Variants in WDR17 observed in about 807,000 individuals in gnomAD.
The protein encoded by WDR17 is WD repeat-containing protein 17.
Under a neutral mutation model 161.7 loss-of-function variants are expected in WDR17, and 143 were observed. The ratio of observed to expected loss-of-function variants is 0.88; its 90% CI spans 0.77 to 1.02. WDR17 has a LOEUF of 1.02. Among genes scored for constraint, WDR17 ranks in the 50% least tolerant of loss-of-function variants. The pLI is 0.00. For synonymous variants in WDR17, 517 were observed against 515.6 expected (o/e 1.00, Z -0.04); for missense variants, 1,469 against 1,520.9 (o/e 0.97, Z 0.57).
Position 176,151,983 on chromosome 4 carries a change from A to C in WDR17, c.2460+16A>C. The C allele has an allele frequency of 6.2e-7, 1 of 1,606,536 alleles. No individual in the cohort carries two copies. The highest frequency in any genetic ancestry group is 8.5e-7 in the Non-Finnish European group (1 of 1,177,516). On this transcript the variant is annotated intron_variant, in intron 17 of 28. Transcript: ENST00000508596. ...ACTTGGAGAGGTAATGTGCTATGAA[A>C]GTAAAACTAATGAGTTTAACATAGT... is the stretch of plus-strand genomic sequence containing the variant.
Position 176,128,733 on chromosome 4 carries a change from A to G in WDR17, c.791-5A>G, listed in dbSNP as rs1742857463. 6.2e-7 allele frequency: 1 copy of G among 1,601,788 alleles called. No individual in the cohort carries two copies. The highest frequency in any genetic ancestry group is 8.5e-7 in the Non-Finnish European group (1 of 1,176,522). Reference sequence around the variant, plus strand: ...TAAAATGTGCTTTTTCCCTGATCTGACTAGATTCTCAAGTGGGTGTTTTAC... The same window carrying G: ...TAAAATGTGCTTTTTCCCTGATCTGGCTAGATTCTCAAGTGGGTGTTTTAC... On this transcript the variant is annotated splice_region_variant and splice_polypyrimidine_tract_variant and intron_variant, in intron 5 of 28. Transcript: ENST00000508596.
intron 1 of WDR17, among the ~76,000 whole-genome samples, chr4:176,077,557 T>C (rs970541116): frequency 2.6e-5 from 4 of 152,102 alleles, no homozygotes; most frequent in Non-Finnish European, 4.4e-5. Context: ...TGCTGAAACC[T>C]TATTTTATAT....
intron 1 of WDR17, among the ~76,000 whole-genome samples, chr4:176,097,253 A>G (rs1737029459): frequency 6.6e-6 from 1 of 151,992 alleles, no homozygotes; most frequent in Admixed American, 6.6e-5. Flanking sequence ...TATTTAAATG[A>G]AGACAATTTG....
chr4:176,128,681 G>A, intron 5 of WDR17, 57 bp from the exon 6 acceptor site: 1 of 1,537,120 alleles, frequency 6.5e-7, no homozygotes, highest in Non-Finnish European at 8.8e-7. Flanking sequence ...TTTATGTCTA[G>A]GCATTTTAGT....
At chr4:176,137,694 A>G (rs1177620195) in intron 9 of WDR17, 83 bp downstream of exon 9, 5 of 806,788 alleles carry the variant, frequency 6.2e-6, no homozygotes, top group Non-Finnish European at 8.8e-6. Flanking sequence ...ATTTCTTAAT[A>G]TAATATCACT....
chr4:176,097,049 T>C (rs1242120095), intron 1 of WDR17, among the ~76,000 whole-genome samples: 1 of 151,916 alleles, frequency 6.6e-6, no homozygotes, highest in African/African-American at 2.4e-5. Context: ...TTTTAGGCGG[T>C]TAATTAATTA....
rs762451152 is a variant in WDR17, at chr4:176,115,818, T to C, written c.146T>C (p.Phe49Ser). ...TAGTTGGATCACCGTTATAATGAAT[T>C]CAAACTTCACGCAATTATGTCTGAA... is the stretch of plus-strand genomic sequence containing the variant. Reference protein sequence around the residue: ...IYQLDHRYNEFKLHAIMSEHK... With the variant: ...IYQLDHRYNESKLHAIMSEHK... The change falls in exon 3 of 29, where the codon TTC (phenylalanine) becomes TCC (serine). Residue 49 changes from phenylalanine (F) to serine (S), a missense_variant. By Grantham distance (155) the Phe-to-Ser change is radical. Coordinates refer to ENST00000508596, the MANE Select transcript of WDR17 (RefSeq NM_181265.4). 9.3e-6 allele frequency: 15 copies of C among 1,606,604 alleles called. No individual in the cohort carries two copies. Among genetic ancestry groups the C allele is most frequent in the Non-Finnish European group, 1.3e-5 (15 of 1,176,278 alleles).
At chr4:176,172,156 C>T (rs1750825147) in intron 23 of WDR17, among the ~76,000 whole-genome samples, 1 of 152,128 alleles carries the variant, frequency 6.6e-6, no homozygotes, top group Non-Finnish European at 1.5e-5. Context: ...TGATGGAAAA[C>T]TACTAACTCA....
chr4:176,111,515 C>T, intron 1 of WDR17, 60 bp from the exon 2 acceptor site: 1 of 1,549,680 alleles, frequency 6.5e-7, no homozygotes, highest in Non-Finnish European at 8.8e-7. Flanking sequence ...AGATGTAAAA[C>T]AATGAGGAAG....
intron 17 of WDR17, among the ~76,000 whole-genome samples, chr4:176,154,627 A>C (rs1747775173): frequency 6.6e-6 from 1 of 152,202 alleles, no homozygotes; most frequent in African/African-American, 2.4e-5. Context: ...TTTAATCTAC[A>C]TTGCAACTTC....
At chr4:176,147,569 T>C (rs1487169157) in intron 12 of WDR17, among the ~76,000 whole-genome samples, 1 of 152,190 alleles carries the variant, frequency 6.6e-6, no homozygotes, top group Non-Finnish European at 1.5e-5. Flanking sequence ...ATACCCATCA[T>C]CATACATGTT....
At chr4:176,153,106 G>A (rs1747493624) in intron 17 of WDR17, among the ~76,000 whole-genome samples, 1 of 152,120 alleles carries the variant, frequency 6.6e-6, no homozygotes, top group Non-Finnish European at 1.5e-5. Context: ...CAGAAACTGC[G>A]GGGTTGGAGC....
chr4:176,146,234 A>G, intron 12 of WDR17, 75 bp downstream of exon 12: 5 of 1,451,778 alleles, frequency 3.4e-6, no homozygotes, highest in Non-Finnish European at 4.7e-6. Context: ...GTACATATTT[A>G]TAGGAGATAT....
intron 2 of WDR17, among the ~76,000 whole-genome samples, chr4:176,113,568 A>G (rs1051349267): frequency 6.6e-6 from 1 of 152,074 alleles, no homozygotes; most frequent in Admixed American, 6.6e-5. Flanking sequence ...AAGTATGCCA[A>G]TAGAAAATTA....
intron 1 of WDR17, among the ~76,000 whole-genome samples, chr4:176,092,109 T>C (rs754554597): frequency 6.8e-4 from 103 of 152,228 alleles, no homozygotes; most frequent in Non-Finnish European, 1.1e-3. Context: ...AGGCCAGTAT[T>C]ACCCTAATAC....
At chr4:176,159,292 CACACAT>C (rs1351502859) in intron 18 of WDR17, among the ~76,000 whole-genome samples, 1 of 147,960 alleles carries the variant, frequency 6.8e-6, no homozygotes, top group Non-Finnish European at 1.5e-5. Flanking sequence ...CACACACACA[CACACAT>C]ACACACACAC....
intron 1 of WDR17, among the ~76,000 whole-genome samples, chr4:176,103,438 G>GA (rs143016566): frequency 4.7e-5 from 7 of 150,128 alleles, no homozygotes; most frequent in East Asian, 1.9e-4. Context: ...TCTTTCAGTG[G>GA]AAAAAAAAAT....
At chr4:176,133,369 C>T (rs1743864677) in intron 7 of WDR17, among the ~76,000 whole-genome samples, 1 of 74,278 alleles carries the variant, frequency 1.3e-5, no homozygotes, top group African/African-American at 5.8e-5. Flanking sequence ...CTGGGTCTTT[C>T]TACTAAGCTA....
intron 1 of WDR17, among the ~76,000 whole-genome samples, chr4:176,100,858 G>C (rs1260508986): frequency 6.6e-6 from 1 of 151,846 alleles, no homozygotes; most frequent in Non-Finnish European, 1.5e-5. Flanking sequence ...TCCTCACTCT[G>C]TGTTCTTGTT....
Sources: gnomAD v4.1 joint callset for allele counts (sites outside exome capture counted in the v4.1 genomes callset) on GRCh38, gnomAD v4.1.1 for gene constraint, MANE v1.5 for transcripts, NCBI Gene and HGNC (gene_info 2026-07-23, HGNC 2026-07-21) for gene names.